Variants in THSD7B observed in about 807,000 individuals in gnomAD.
The protein encoded by THSD7B is thrombospondin type 1 domain containing 7B, also known as thrombospondin type-1 domain-containing protein 7B.
A neutral mutation model predicts 213.6 loss-of-function variants in THSD7B; 138 were observed. The ratio of observed to expected loss-of-function variants is 0.65; its 90% confidence interval spans 0.56 to 0.74. The LOEUF (loss-of-function observed/expected upper bound fraction) is 0.74. THSD7B is among the 30% of genes least tolerant of loss of function. The probability of loss-of-function intolerance (pLI) is 0.00; values close to 1 mark genes in which losing one functional copy is unlikely to be tolerated. For missense variants in THSD7B, 1,931 were observed against 1,991.5 expected, an observed-to-expected ratio of 0.97 and a Z score of 0.58; for synonymous variants, 742 against 687.0, an observed-to-expected ratio of 1.08 and a Z score of -1.25.
At chr2:136,807,916 T>A (rs1174886051) in intron 1 of THSD7B, among the ~76,000 whole-genome samples, 1 of 152,214 alleles carries the variant, frequency 6.6e-6, no homozygotes, top group Non-Finnish European at 1.5e-5. Context: ...ATCTGGGAAC[T>A]GGATATGCTC....
In THSD7B at chr2:137,424,331, G is replaced by A. The variant is rs187816492; in HGVS notation, c.2959+12459G>A. On this transcript the variant is annotated intron_variant, in intron 14 of 27. Transcript: ENST00000409968. ...ATTGTCGTTCATCAAAATTAAAAAT[G>A]TAAGTGCTGTAAAAAATACCATTAA... Among the ~76,000 whole-genome samples the A allele has an allele frequency of 2.3e-3, 346 of 152,216 alleles. 1 individual carries two copies. The highest frequency in any genetic ancestry group is 7.5e-3 in the African/African-American group (312 of 41,574).
At chr2:137,589,381 T>C (rs1192048656) in intron 17 of THSD7B, among the ~76,000 whole-genome samples, 3 of 152,192 alleles carry the variant, frequency 2.0e-5, no homozygotes, top group East Asian at 3.9e-4. Context: ...AATAAAACTT[T>C]AGTGTCCAAC....
intron 15 of THSD7B, among the ~76,000 whole-genome samples, chr2:137,488,131 C>A (rs1290178181): frequency 6.6e-6 from 1 of 152,074 alleles, no homozygotes; most frequent in Admixed American, 6.5e-5. Flanking sequence ...AGATTTGAAA[C>A]CTAGTAAAAT....
intron 1 of THSD7B, among the ~76,000 whole-genome samples, chr2:136,862,921 T>C (rs1683276709): frequency 6.6e-6 from 1 of 152,192 alleles, no homozygotes; most frequent in Non-Finnish European, 1.5e-5. Context: ...ATCCGTTGCT[T>C]ATAGAGTGAA....
chr2:137,484,174 C>T (rs1377908744), intron 15 of THSD7B, among the ~76,000 whole-genome samples: 1 of 133,898 alleles, frequency 7.5e-6, no homozygotes, highest in African/African-American at 2.8e-5. Flanking sequence ...TCCCCCCTCC[C>T]CCCACCACAC....
chr2:137,101,258 T>A (rs1164758889), intron 4 of THSD7B, among the ~76,000 whole-genome samples: 2 of 152,194 alleles, frequency 1.3e-5, no homozygotes, highest in East Asian at 3.9e-4. Flanking sequence ...GGCAGGCTAG[T>A]CTCAAACTCC....
intron 5 of THSD7B, among the ~76,000 whole-genome samples, chr2:137,152,243 T>TA (rs1679833233): frequency 6.6e-6 from 1 of 152,172 alleles, no homozygotes; most frequent in Non-Finnish European, 1.5e-5. Context: ...TAACAACACT[T>TA]ACCTTTCCTA....
At chr2:136,776,389 A>G (rs1355983326) in intron 1 of THSD7B, among the ~76,000 whole-genome samples, 2 of 152,178 alleles carry the variant, frequency 1.3e-5, no homozygotes, top group Non-Finnish European at 2.9e-5. Flanking sequence ...AAAAATGGCA[A>G]TAACAATGCC....
chr2:136,902,839 G>T (rs1461901252), intron 2 of THSD7B, among the ~76,000 whole-genome samples: 2 of 152,186 alleles, frequency 1.3e-5, no homozygotes, highest in Non-Finnish European at 2.9e-5. Flanking sequence ...AACGTCAGCG[G>T]CTCTGGAACC....
At chr2:137,517,978 T>A (rs1239606093) in intron 15 of THSD7B, among the ~76,000 whole-genome samples, 1 of 152,154 alleles carries the variant, frequency 6.6e-6, no homozygotes, top group Non-Finnish European at 1.5e-5. Flanking sequence ...TTCTGACCCA[T>A]CTAGCCATAA....
At chr2:137,044,490 G>A (rs1175798347) in intron 2 of THSD7B, among the ~76,000 whole-genome samples, 1 of 151,998 alleles carries the variant, frequency 6.6e-6, no homozygotes, top group Non-Finnish European at 1.5e-5. Context: ...GTCCACCTTT[G>A]TTCCTGGGGG....
intron 1 of THSD7B, among the ~76,000 whole-genome samples, chr2:136,879,433 G>T (rs1683581778): frequency 6.6e-6 from 1 of 152,186 alleles, no homozygotes; most frequent in African/African-American, 2.4e-5. Context: ...CGTTAAAGTA[G>T]TTTTTTCCAA....
chr2:136,868,856 TA>T lies in THSD7B; in HGVS notation c.-35-13287del, dbSNP rs570936064. 2.2e-4 allele frequency among the ~76,000 whole-genome samples: 33 copies of T among 152,308 alleles called. No homozygotes were observed. In the South Asian group the frequency reaches 6.6e-3, roughly 31 times the overall value. On this transcript the variant is annotated intron_variant, in intron 1 of 27. Transcript: ENST00000409968. Reference sequence around the variant, plus strand: ...TCCTGTACCTTCAAGCAGAATGGACTACAGACTGACTTTCTCAGGTATCTAT... The same window carrying T: ...TCCTGTACCTTCAAGCAGAATGGACTCAGACTGACTTTCTCAGGTATCTAT...
intron 26 of THSD7B, among the ~76,000 whole-genome samples, chr2:137,665,624 TA>T (rs543597255): frequency 4.1e-4 from 62 of 152,184 alleles, no homozygotes; most frequent in African/African-American, 1.4e-3. Flanking sequence ...TATTTTGACC[TA>T]AAATGTTCCT....
chr2:137,381,750 G>A (rs1366388451), intron 12 of THSD7B, among the ~76,000 whole-genome samples: 4 of 152,216 alleles, frequency 2.6e-5, no homozygotes, highest in Admixed American at 2.6e-4. Context: ...TGTGGAGACA[G>A]TTGTCTTTGG....
chr2:137,407,220 T>C (rs529040178), intron 13 of THSD7B, among the ~76,000 whole-genome samples: 5 of 152,216 alleles, frequency 3.3e-5, no homozygotes, highest in African/African-American at 1.2e-4. Context: ...CTAATGAATT[T>C]GACTTTTATT....
intron 12 of THSD7B, among the ~76,000 whole-genome samples, chr2:137,326,304 A>G: frequency 6.6e-6 from 1 of 152,198 alleles, no homozygotes; most frequent in East Asian, 1.9e-4. Context: ...ATAACAATAC[A>G]TGAACATGCC....
At chr2:137,272,312 A>G (rs895763826) in intron 10 of THSD7B, among the ~76,000 whole-genome samples, 1 of 152,118 alleles carries the variant, frequency 6.6e-6, no homozygotes, top group African/African-American at 2.4e-5. Flanking sequence ...ACAGCGGGAA[A>G]TAATTATATT....
intron 27 of THSD7B, among the ~76,000 whole-genome samples, chr2:137,674,709 T>C (rs536702510): frequency 1.1e-4 from 16 of 152,316 alleles, no homozygotes; most frequent in Middle Eastern, 3.4e-3. Context: ...GAGAATATTC[T>C]GAATCTTGTT....
Sources: gnomAD v4.1 joint callset for allele counts (sites outside exome capture counted in the v4.1 genomes callset) on GRCh38, gnomAD v4.1.1 for gene constraint, MANE v1.5 for transcripts, NCBI Gene and HGNC (gene_info 2026-07-23, HGNC 2026-07-21) for gene names.